The following CNNM2 variants were observed in gnomAD, a reference collection of about 807,000 sequenced individuals.
The protein encoded by CNNM2 is cyclin and CBS domain divalent metal cation transport mediator 2, also known as metal transporter CNNM2.
Under a neutral mutation model 66.9 loss-of-function variants are expected in CNNM2, and 12 were observed. That is an observed-to-expected ratio of 0.18 (90% confidence interval 0.11 to 0.29). The LOEUF is 0.29. CNNM2 is among the 10% of genes least tolerant of loss of function. The probability of loss-of-function intolerance (pLI) is 1.00; values close to 1 mark genes in which losing one functional copy is unlikely to be tolerated. For missense variants in CNNM2, 705 were observed against 1,167.7 expected (o/e 0.60, Z 5.77); for synonymous variants, 557 against 501.8 (o/e 1.11, Z -1.47).
At chr10:102,946,364 A>C (rs1246346376) in intron 1 of CNNM2, among the ~76,000 whole-genome samples, 1 of 152,118 alleles carries the variant, frequency 6.6e-6, no homozygotes, top group African/African-American at 2.4e-5. Flanking sequence ...TTTGCCCTAC[A>C]TTTAATGTAC....
In CNNM2 at chr10:102,940,677, T is replaced by C. The variant is rs376911461; in HGVS notation, c.1621+20576T>C. Among the ~76,000 whole-genome samples the C allele has an allele frequency of 2.0e-5, 3 of 150,232 alleles. No individual in the cohort carries two copies. The East Asian group carries it at 6.0e-4, about 30-fold the overall frequency. Reference sequence around the variant, plus strand: ...TCGTGATCCGCCCTCCTTGGCCTCCTAAAGTGCTGGGATTACAGGTGTGAG... The same window carrying C: ...TCGTGATCCGCCCTCCTTGGCCTCCCAAAGTGCTGGGATTACAGGTGTGAG... On this transcript the variant is annotated intron_variant, in intron 1 of 7. Coordinates refer to ENST00000369878, the MANE Select transcript of CNNM2 (RefSeq NM_017649.5).
rs1487890895 is a variant in CNNM2, at chr10:103,089,489, A to T, written c.*12309A>T. The stretch of plus-strand genomic sequence containing the variant: ...CATTACAATTTTGGACCATCTGCAG[A>T]GAGTACAGATACACAAAACCAAAAC... On this transcript the variant is annotated 3_prime_UTR_variant, in exon 8 of 8. Coordinates refer to ENST00000369878, the MANE Select transcript of CNNM2 (RefSeq NM_017649.5). The T allele has an allele frequency of 2.8e-6, 3 of 1,071,580 alleles. No individual in the cohort carries two copies. The highest frequency in any genetic ancestry group is 3.8e-6 in the Non-Finnish European group (3 of 790,006). 66.4% of individuals were successfully genotyped at this position (1,071,580 alleles called of 1,614,324 possible). A position where few individuals can be genotyped will look rare whatever the true frequency, so the allele number is the denominator to read the frequency against.
chr10:103,002,723 C>G (rs1324630286), intron 1 of CNNM2, among the ~76,000 whole-genome samples: 1 of 152,174 alleles, frequency 6.6e-6, no homozygotes, highest in East Asian at 1.9e-4. Flanking sequence ...AGGTGATCCA[C>G]TTGCCTCAGC....
chr10:103,071,865 A>G (rs753429512), intron 6 of CNNM2, 26 bp downstream of exon 6: 1 of 1,605,420 alleles, frequency 6.2e-7, no homozygotes, highest in Non-Finnish European at 8.5e-7. Context: ...TCCTTTCCGT[A>G]ATTCTCCTGA....
chr10:102,990,071 A>T (rs2134241018), intron 1 of CNNM2, among the ~76,000 whole-genome samples: 1 of 151,738 alleles, frequency 6.6e-6, no homozygotes, highest in East Asian at 2.0e-4. Flanking sequence ...CAGCCTCCCA[A>T]GTAGCTGGGA....
rs114130754 is a variant in CNNM2 at position 103,021,897 on chromosome 10, A to G, written c.1622-27810A>G. Among the ~76,000 whole-genome samples, 309 of 152,336 alleles carry G rather than the reference A, an allele frequency of 2.0e-3. 2 individuals carry two copies. The highest frequency in any genetic ancestry group is 7.2e-3 in the African/African-American group (300 of 41,576). On this transcript the variant is annotated intron_variant, in intron 1 of 7. Coordinates refer to ENST00000369878, the MANE Select transcript of CNNM2 (RefSeq NM_017649.5). ...TGTGAATATATATGTGTGTATGTAT[A>G]TGTAGTAATCTTAGCCAAAGATAGT...
rs931111039 is a variant in CNNM2 at position 103,089,389 on chromosome 10, T to C, written c.*12209T>C. ...ACTGACATACGGATGATTTTAAAAG[T>C]GTCACAAGCCACAGTGGAGCCATAT... On this transcript the variant is annotated 3_prime_UTR_variant, in exon 8 of 8. Coordinates refer to ENST00000369878, the MANE Select transcript of CNNM2 (RefSeq NM_017649.5). The C allele has an allele frequency of 3.2e-6, 1 of 312,606 alleles. No individual in the cohort carries two copies. Among genetic ancestry groups the C allele is most frequent in the Non-Finnish European group, 5.8e-6 (1 of 171,244 alleles). 19.4% of individuals were successfully genotyped at this position (312,606 alleles called of 1,614,324 possible). A position where few individuals can be genotyped will look rare whatever the true frequency, so the allele number is the denominator to read the frequency against.
intron 1 of CNNM2, among the ~76,000 whole-genome samples, chr10:102,952,701 A>T (rs1233278415): frequency 6.6e-6 from 1 of 151,970 alleles, no homozygotes; most frequent in Non-Finnish European, 1.5e-5. Flanking sequence ...ACTGGGGAAC[A>T]TTGGAGCTTG....
intron 4 of CNNM2, among the ~76,000 whole-genome samples, chr10:103,065,988 G>T (rs2065470331): frequency 6.6e-6 from 1 of 152,116 alleles, no homozygotes; most frequent in South Asian, 2.1e-4. Flanking sequence ...CCTGCTGCCT[G>T]TCCCTCTCCT....
intron 1 of CNNM2, among the ~76,000 whole-genome samples, chr10:102,985,804 G>T (rs976234578): frequency 3.3e-5 from 5 of 152,214 alleles, no homozygotes; most frequent in Admixed American, 6.5e-5. Flanking sequence ...TAAAAGGATT[G>T]GGAAAGGGGG....
At chr10:102,948,472 G>A (rs960181022) in intron 1 of CNNM2, among the ~76,000 whole-genome samples, 1 of 152,178 alleles carries the variant, frequency 6.6e-6, no homozygotes, top group African/African-American at 2.4e-5. Context: ...AAGATGATTA[G>A]TGTGGCTGGA....
At chr10:102,944,084 C>CT (rs199757273) in intron 1 of CNNM2, among the ~76,000 whole-genome samples, 14,287 of 135,274 alleles carry the variant, frequency 0.11, 846 homozygotes, top group Middle Eastern at 0.18. Flanking sequence ...TTTCATAATT[C>CT]TTTTTTTTTT....
rs2066160002 is a variant in CNNM2, at chr10:103,089,555, G to GT, written c.*12376dup. ...TAAAATCTTCAGAAACTTTTCAGAC[G>GT]TACCTTTCATGGAGCCCCCTCCCTC... On this transcript the variant is annotated 3_prime_UTR_variant, in exon 8 of 8. Transcript: ENST00000369878. 1 of 1,415,234 alleles carries GT rather than the reference G, an allele frequency of 7.1e-7. No homozygotes were observed. Among genetic ancestry groups the GT allele is most frequent in the Non-Finnish European group, 9.3e-7 (1 of 1,081,056 alleles). 87.7% of individuals were successfully genotyped at this position (1,415,234 alleles called of 1,614,324 possible). A position where few individuals can be genotyped will look rare whatever the true frequency, so the allele number is the denominator to read the frequency against.
chr10:103,045,656 T>C (rs2065116698), intron 1 of CNNM2, among the ~76,000 whole-genome samples: 1 of 151,888 alleles, frequency 6.6e-6, no homozygotes, highest in African/African-American at 2.4e-5. Flanking sequence ...ATTAGCTGAT[T>C]AGGAAGTTTC....
chr10:103,009,032 T>G (rs1169524217), intron 1 of CNNM2, among the ~76,000 whole-genome samples: 1 of 152,154 alleles, frequency 6.6e-6, no homozygotes, highest in Non-Finnish European at 1.5e-5. Context: ...ATCCCAGCAC[T>G]TTGGGAGGCC....
intron 1 of CNNM2, among the ~76,000 whole-genome samples, chr10:103,037,223 G>A (rs2134311596): frequency 6.7e-6 from 1 of 148,922 alleles, no homozygotes; most frequent in Non-Finnish European, 1.5e-5. Context: ...TATATATTTA[G>A]CCCTGTGTTG....
intron 1 of CNNM2, among the ~76,000 whole-genome samples, chr10:102,956,110 A>C (rs1242135265): frequency 2.0e-5 from 3 of 152,006 alleles, no homozygotes; most frequent in Non-Finnish European, 4.4e-5. Flanking sequence ...ACACGGTGAA[A>C]CTCCGTCTCT....
At position 102,919,502 on chromosome 10, in the gene CNNM2, G is replaced by C. The variant is rs781421169; in HGVS notation, c.1022G>C (p.Gly341Ala). 1 of 1,612,736 alleles carries C rather than the reference G, an allele frequency of 6.2e-7. No individual in the cohort carries two copies. Among genetic ancestry groups the C allele is most frequent in the Non-Finnish European group, 8.5e-7 (1 of 1,180,034 alleles). The change falls in exon 1 of 8, where the codon GGC (glycine) becomes GCC (alanine). Residue 341 changes from glycine (G) to alanine (A), a missense_variant. Transcript: ENST00000369878. ...CTGCTCGACGACATCGCCGGCTCGG[G>C]CCTCGTGGCCGTGGTAGTCTCCACC... ...TILLDDIAGS[G>A]LVAVVVSTIG...
chr10:103,074,344 A>G (rs931838369), intron 6 of CNNM2, among the ~76,000 whole-genome samples: 1 of 152,182 alleles, frequency 6.6e-6, no homozygotes, highest in Non-Finnish European at 1.5e-5. Context: ...ACAGATAAAG[A>G]ATCTGAAACT....
Sources: gnomAD v4.1 joint callset for allele counts (sites outside exome capture counted in the v4.1 genomes callset) on GRCh38, gnomAD v4.1.1 for gene constraint, MANE v1.5 for transcripts, NCBI Gene and HGNC (gene_info 2026-07-23, HGNC 2026-07-21) for gene names.